The following UBE2L3 variants were observed in gnomAD, a reference collection of about 807,000 sequenced individuals.
UBE2L3 encodes the protein ubiquitin-conjugating enzyme E2 L3.
A neutral mutation model predicts 17.8 loss-of-function variants in UBE2L3; 1 was observed. The observed-to-expected ratio is 0.06, with a 90% CI of 0.02 to 0.27. The LOEUF is 0.27. Among genes scored for constraint, UBE2L3 ranks in the 10% least tolerant of loss-of-function variants. UBE2L3 has a pLI of 1.00. For synonymous variants in UBE2L3, 44 were observed against 68.5 expected (o/e 0.64, Z 1.76); for missense variants, 40 against 192.6 (o/e 0.21, Z 4.69).
At chr22:21,614,760 T>C (rs1462650910) in intron 3 of UBE2L3, 13 of 762,474 alleles carry the variant, frequency 1.7e-5, no homozygotes, top group Admixed American at 1.6e-4. Context: ...AATGAAAACA[T>C]ATGCCCAATA....
chr22:21,594,962 G>A (rs1928439141), intron 2 of UBE2L3, among the ~76,000 whole-genome samples: 1 of 152,224 alleles, frequency 6.6e-6, no homozygotes, highest in Admixed American at 6.5e-5. Context: ...GAATTTAGTG[G>A]CCTGAGAGCC....
At chr22:21,586,933 T>A (rs1359166319) in intron 1 of UBE2L3, among the ~76,000 whole-genome samples, 2 of 148,644 alleles carry the variant, frequency 1.3e-5, no homozygotes, top group African/African-American at 4.9e-5. Flanking sequence ...AGGCTGGAGT[T>A]GGAGTACAAT....
At chr22:21,610,310 T>C (rs56708143) in intron 2 of UBE2L3, among the ~76,000 whole-genome samples, 4,216 of 152,266 alleles carry the variant, frequency 0.028, 208 homozygotes, top group African/African-American at 0.095. Flanking sequence ...CATAAGATTT[T>C]TGGGGAGATA....
chr22:21,608,773 G>A (rs1022265409), intron 2 of UBE2L3, among the ~76,000 whole-genome samples: 2 of 143,210 alleles, frequency 1.4e-5, no homozygotes, highest in African/African-American at 5.1e-5. Flanking sequence ...GTAGAGATGG[G>A]GTCTTGTTAT....
rs574900328 is a variant in UBE2L3 at position 21,573,452 on chromosome 22, C to A, written c.27+5681C>A. 1.2e-4 allele frequency among the ~76,000 whole-genome samples: 19 copies of A among 152,166 alleles called. 1 individual carries two copies. The South Asian group carries it at 3.9e-3, about 32-fold the overall frequency. ...TCAGCTCAAGGGGCAATTCCTCTGC[C>A]CTTGAGGAGCTCAACAAAGGAGAAA... On this transcript the variant is annotated intron_variant, in intron 1 of 3. Transcript: ENST00000342192.
At chr22:21,604,036 C>G (rs1331925144) in intron 2 of UBE2L3, among the ~76,000 whole-genome samples, 1 of 151,288 alleles carries the variant, frequency 6.6e-6, no homozygotes, top group South Asian at 2.1e-4. Flanking sequence ...CTCGGCCTTC[C>G]AAAGTGCTGG....
chr22:21,557,543 G>C (rs1437195647), intron 1 of UBE2L3, among the ~76,000 whole-genome samples: 2 of 151,164 alleles, frequency 1.3e-5, no homozygotes, highest in East Asian at 3.9e-4. Context: ...TTTTTTTTGA[G>C]ACAGAGTCTC....
chr22:21,563,560 C>CA (rs111839709), upstream of UBE2L3, among the ~76,000 whole-genome samples: 36 of 116,454 alleles, frequency 3.1e-4, no homozygotes, highest in South Asian at 1.2e-3. Flanking sequence ...GACTCCGTCT[C>CA]AAAAAAAAAA....
At chr22:21,571,338 C>T (rs1926951261) in intron 1 of UBE2L3, among the ~76,000 whole-genome samples, 2 of 152,140 alleles carry the variant, frequency 1.3e-5, no homozygotes, top group Non-Finnish European at 2.9e-5. Flanking sequence ...GAGTAGCTTC[C>T]CAGAAGGGCT....
intron 1 of UBE2L3, among the ~76,000 whole-genome samples, chr22:21,557,909 A>G (rs1926294634): frequency 1.3e-5 from 2 of 151,048 alleles, no homozygotes; most frequent in South Asian, 4.2e-4. Flanking sequence ...AAGTTTGAGA[A>G]CCCCTGGGTT....
chr22:21,571,493 C>G (rs1926962590), intron 1 of UBE2L3, among the ~76,000 whole-genome samples: 1 of 152,192 alleles, frequency 6.6e-6, no homozygotes, highest in Admixed American at 6.6e-5. Context: ...ACTACAACCT[C>G]TGCCTCCCAG....
chr22:21,563,177 G>T (rs1926506257), upstream of UBE2L3, among the ~76,000 whole-genome samples: 1 of 151,000 alleles, frequency 6.6e-6, no homozygotes, highest in Non-Finnish European at 1.5e-5. Flanking sequence ...AGGAGGCGGA[G>T]GTTGCAGTGA....
intron 1 of UBE2L3, among the ~76,000 whole-genome samples, chr22:21,587,215 G>A (rs1927993297): frequency 1.3e-5 from 2 of 149,970 alleles, no homozygotes; most frequent in African/African-American, 2.5e-5. Context: ...TTTTTGAGAC[G>A]AAGTCTTGCT....
In UBE2L3 at chr22:21,585,067, T is replaced by C. The variant is rs559059410; in HGVS notation, c.28-7794T>C. On this transcript the variant is annotated intron_variant, in intron 1 of 3. Coordinates refer to ENST00000342192, the MANE Select transcript of UBE2L3 (RefSeq NM_003347.4). ...AAGACAGATGTATGTCATCTTCACA[T>C]TTCTTTAGGCCATAGGTTCCTGGAC... is the stretch of plus-strand genomic sequence containing the variant. Among the ~76,000 whole-genome samples the C allele has an allele frequency of 4.6e-5, 7 of 152,362 alleles. No homozygotes were observed. The East Asian group carries it at 1.4e-3, about 29-fold the overall frequency.
Position 21,590,461 on chromosome 22 carries a change from G to C in UBE2L3, c.28-2400G>C, listed in dbSNP as rs191388953. ...GATCCACCCACCTTGGCTTCCCAAAGTGTTGGGATTACAGGCGTGAGCCAA... is the reference window on the plus strand; with the variant it reads ...GATCCACCCACCTTGGCTTCCCAAACTGTTGGGATTACAGGCGTGAGCCAA... On this transcript the variant is annotated intron_variant, in intron 1 of 3. Transcript: ENST00000342192. Among the ~76,000 whole-genome samples the C allele has an allele frequency of 3.5e-3, 537 of 152,360 alleles. 4 individuals carry two copies. Among genetic ancestry groups the C allele is most frequent in the South Asian group, 0.016 (78 of 4,830 alleles).
intron 1 of UBE2L3, chr22:21,568,274 A>G: frequency 2.0e-6 from 2 of 986,236 alleles, no homozygotes; most frequent in Non-Finnish European, 2.4e-6. Flanking sequence ...GAAAGAGAGA[A>G]GGAGGCCAGG....
chr22:21,555,949 T>C (rs1176095505), intron 1 of UBE2L3, among the ~76,000 whole-genome samples: 2 of 151,762 alleles, frequency 1.3e-5, no homozygotes, highest in African/African-American at 2.4e-5. Flanking sequence ...AATAAAATAA[T>C]TGTGGCCCAG....
chr22:21,576,296 T>G (rs535683534), intron 1 of UBE2L3, among the ~76,000 whole-genome samples: 168 of 148,384 alleles, frequency 1.1e-3, no homozygotes, highest in African/African-American at 3.1e-3. Flanking sequence ...TGCATTTTTG[T>G]TTTTTTTTGT....
chr22:21,555,825 G>A (rs369796270), intron 1 of UBE2L3, among the ~76,000 whole-genome samples: 20 of 152,304 alleles, frequency 1.3e-4, no homozygotes, highest in African/African-American at 2.2e-4. Flanking sequence ...CCAGCTACTC[G>A]GGAGGCTGAG....
Sources: gnomAD v4.1 joint callset for allele counts (sites outside exome capture counted in the v4.1 genomes callset) on GRCh38, gnomAD v4.1.1 for gene constraint, MANE v1.5 for transcripts, NCBI Gene and HGNC (gene_info 2026-07-23, HGNC 2026-07-21) for gene names.